Variants in PCDH11Y observed in about 807,000 individuals in gnomAD.
The protein encoded by PCDH11Y is protocadherin-11 Y-linked.
For synonymous variants in PCDH11Y, 9 were observed against 83.6 expected (o/e 0.11, Z 4.87); for missense variants, 12 against 224.8 (o/e 0.05, Z 6.05).
intron 2 of PCDH11Y, among the ~76,000 whole-genome samples, chrY:5,403,551 T>G: frequency 3.1e-5 from 1 of 32,644 alleles, no homozygotes; most frequent in Non-Finnish European, 7.5e-5. Flanking sequence ...TGGAATCATA[T>G]ATCTACTGTC....
Position 5,535,884 on chromosome Y carries a change from C to T in PCDH11Y, c.3328+34629C>T, listed in dbSNP as rs2053399745. Among the ~76,000 whole-genome samples the T allele has an allele frequency of 1.5e-4, 5 of 32,720 alleles. No individual in the cohort carries two copies. In the East Asian group the frequency reaches 2.4e-3, roughly 16 times the overall value. The allele number at this position is 32,720 out of a possible 37,273, so 87.8% of individuals were successfully genotyped here. Reference sequence around the variant, plus strand: ...AAGTGTTCCCTTTTCACCACATCCACGCCAACGTCTATTTTTTTTATTTTT... The same window carrying T: ...AAGTGTTCCCTTTTCACCACATCCATGCCAACGTCTATTTTTTTTATTTTT... On this transcript the variant is annotated intron_variant, in intron 3 of 4. Transcript: ENST00000400457.
chrY:5,415,331 T>C, intron 2 of PCDH11Y, among the ~76,000 whole-genome samples: 1 of 31,860 alleles, frequency 3.1e-5, no homozygotes, highest in Non-Finnish European at 7.7e-5. Flanking sequence ...AGCAAAACAA[T>C]GAGAGTGTGG....
intron 4 of PCDH11Y, among the ~76,000 whole-genome samples, chrY:5,704,458 T>G: frequency 8.3e-5 from 2 of 24,158 alleles, no homozygotes; most frequent in East Asian, 2.1e-3. Flanking sequence ...TGGGACAGAG[T>G]CTCGCTCTGT....
At chrY:5,092,669 G>A (rs1602861210) in intron 1 of PCDH11Y, among the ~76,000 whole-genome samples, 1 of 31,718 alleles carries the variant, frequency 3.2e-5, no homozygotes, top group Non-Finnish European at 7.7e-5. Context: ...TTATTGTAGT[G>A]TTATCCATTT....
chrY:5,265,617 T>C, intron 2 of PCDH11Y, among the ~76,000 whole-genome samples: 1 of 31,258 alleles, frequency 3.2e-5, no homozygotes, highest in Non-Finnish European at 7.7e-5. Context: ...GAATGAGTAA[T>C]GATCAAGTCA....
chrY:5,068,960 T>C, intron 1 of PCDH11Y, among the ~76,000 whole-genome samples: 3 of 32,594 alleles, frequency 9.2e-5, no homozygotes, highest in African/African-American at 3.6e-4. Context: ...TTTACATCCT[T>C]CTTCTCAAGG....
chrY:5,659,685 C>G, intron 4 of PCDH11Y, among the ~76,000 whole-genome samples: 1 of 28,476 alleles, frequency 3.5e-5, no homozygotes, highest in Admixed American at 3.5e-4. Context: ...GTGAGCTCCT[C>G]TCTGGCCTAA....
chrY:5,582,660 C>T (rs2124697552), intron 4 of PCDH11Y, among the ~76,000 whole-genome samples: 1 of 24,714 alleles, frequency 4.0e-5, no homozygotes, highest in Non-Finnish European at 9.5e-5. Flanking sequence ...TCCTGAAATC[C>T]GTCATAAACC....
intron 2 of PCDH11Y, among the ~76,000 whole-genome samples, chrY:5,110,978 C>T (rs2124638813): frequency 3.1e-5 from 1 of 32,118 alleles, no homozygotes; most frequent in East Asian, 8.3e-4. Flanking sequence ...AATGAGAGAC[C>T]ATATTTTATT....
intron 2 of PCDH11Y, among the ~76,000 whole-genome samples, chrY:5,440,756 TATAGAG>T (rs2053280318): frequency 5.9e-5 from 1 of 16,938 alleles, no homozygotes; most frequent in African/African-American, 2.7e-4. Context: ...TATATATATA[TATAGAG>T]AGAGAGAGAG....
chrY:5,680,653 T>A (rs2053557543), intron 4 of PCDH11Y, among the ~76,000 whole-genome samples: 1 of 33,562 alleles, frequency 3.0e-5, no homozygotes, highest in East Asian at 7.9e-4. Flanking sequence ...TTAAAATAAT[T>A]AAAAGGAATC....
At chrY:5,503,309 C>A (rs1602935218) in intron 3 of PCDH11Y, among the ~76,000 whole-genome samples, 4 of 32,091 alleles carry the variant, frequency 1.2e-4, no homozygotes, top group African/African-American at 3.6e-4. Context: ...GTTGCTCAAT[C>A]GATTTTATTT....
At chrY:5,572,067 A>G in intron 3 of PCDH11Y, among the ~76,000 whole-genome samples, 1 of 32,846 alleles carries the variant, frequency 3.0e-5, no homozygotes, top group Admixed American at 2.8e-4. Flanking sequence ...ACTGAGTTCA[A>G]ATTTTTTTTT....
At chrY:5,045,746 C>A in intron 3 of PCDH11Y, among the ~76,000 whole-genome samples, 1 of 33,318 alleles carries the variant, frequency 3.0e-5, no homozygotes, top group East Asian at 7.8e-4. Context: ...CTTTCAGGTA[C>A]ATCAATCAGA....
At chrY:5,679,432 GTTC>G (rs2053556399) in intron 4 of PCDH11Y, among the ~76,000 whole-genome samples, 13 of 32,900 alleles carry the variant, frequency 4.0e-4, no homozygotes, top group Non-Finnish European at 6.7e-4. Context: ...GAAGGAACCA[GTTC>G]TGGCAGTTAG....
intron 4 of PCDH11Y, among the ~76,000 whole-genome samples, chrY:5,695,076 TACACAC>T (rs563664942): frequency 8.0e-5 from 2 of 24,866 alleles, no homozygotes; most frequent in Admixed American, 3.9e-4. Flanking sequence ...ACCTGGTGTA[TACACAC>T]ACACACACAC....
chrY:5,296,919 C>T (rs2124662601), intron 2 of PCDH11Y, among the ~76,000 whole-genome samples: 1 of 31,773 alleles, frequency 3.1e-5, no homozygotes, highest in African/African-American at 1.2e-4. Flanking sequence ...GTTCCCACTG[C>T]TTTTCTCAAG....
chrY:5,075,925 C>G (rs2124631336), intron 1 of PCDH11Y, among the ~76,000 whole-genome samples: 2 of 33,536 alleles, frequency 6.0e-5, no homozygotes, highest in Admixed American at 5.4e-4. Flanking sequence ...GTGCATATAC[C>G]CAGCAATGGG....
At chrY:5,440,762 G>C (rs200642485) in intron 2 of PCDH11Y, among the ~76,000 whole-genome samples, 2 of 13,336 alleles carry the variant, frequency 1.5e-4, no homozygotes, top group African/African-American at 6.4e-4. Context: ...TATATATAGA[G>C]AGAGAGAGAG....
Sources: gnomAD v4.1 joint callset for allele counts (sites outside exome capture counted in the v4.1 genomes callset) on GRCh38, gnomAD v4.1.1 for gene constraint, MANE v1.5 for transcripts, NCBI Gene and HGNC (gene_info 2026-07-23, HGNC 2026-07-21) for gene names.